Variants in AGR2 observed in about 807,000 individuals in gnomAD.
AGR2 encodes anterior gradient 2, protein disulphide isomerase family member.
A neutral mutation model predicts 25.9 loss-of-function variants in AGR2; 27 were observed. The observed-to-expected ratio is 1.04, with a 90% CI of 0.77 to 1.44. AGR2 has a LOEUF of 1.44. Ranked by LOEUF, AGR2 falls within the 40% of genes most tolerant of loss-of-function variation. The pLI is 0.00. For missense variants in AGR2, 182 were observed against 200.9 expected (o/e 0.91, Z 0.57); for synonymous variants, 78 against 72.0 (o/e 1.08, Z -0.42).
intron 4 of AGR2, among the ~76,000 whole-genome samples, chr7:16,800,228 T>TAAAGC (rs1785118417): frequency 6.6e-6 from 1 of 152,068 alleles, no homozygotes; most frequent in South Asian, 2.1e-4. Context: ...TGAAGAAAAA[T>TAAAGC]AAAGCAAAGC....
intron 2 of AGR2, 128 bp from the exon 3 acceptor site, chr7:16,801,511 A>G: frequency 3.7e-6 from 5 of 1,337,372 alleles, no homozygotes; most frequent in Non-Finnish European, 5.3e-6. Flanking sequence ...TGGAGAAAGT[A>G]GAAATAATTA....
At position 16,801,749 on chromosome 7, in the gene AGR2, G is replaced by C; in HGVS notation, c.48C>G (p.Ser16=). The part of the protein sequence containing the change: ...VSAFLLLVAL[S]YTLARDTTVK... ...CTGTGGTATCTCTGGCCAGAGTGTA[G>C]GAGAGGGCCACAAGGAGCAAGAATG... The change falls in exon 2 of 8, where the codon TCC becomes TCG. Residue 16 remains serine (S), a synonymous_variant. Coordinates refer to ENST00000419304, the MANE Select transcript of AGR2 (RefSeq NM_006408.4). 6.2e-7 allele frequency: 1 copy of C among 1,613,532 alleles called. No homozygotes were observed. Among genetic ancestry groups the C allele is most frequent in the East Asian group, 2.2e-5 (1 of 44,858 alleles).
rs1473487039 is a variant in AGR2, at chr7:16,792,193, T to C, written c.*715A>G. 1.3e-5 allele frequency: 2 copies of C among 152,250 alleles called. No homozygotes were observed. Among genetic ancestry groups the C allele is most frequent in the Non-Finnish European group, 2.9e-5 (2 of 68,068 alleles). The allele number at this position is 152,250 out of a possible 1,614,324, so 9.4% of individuals were successfully genotyped here. A position where few individuals can be genotyped will look rare whatever the true frequency, so the allele number is the denominator to read the frequency against. The stretch of plus-strand genomic sequence containing the variant: ...ACAGACAAATCGATTACAAGGTCAA[T>C]TCCCAGGATTTCTTCAGGGTGTGTT... On this transcript the variant is annotated 3_prime_UTR_variant, in exon 8 of 8. Transcript: ENST00000419304.
intron 1 of AGR2, 82 bp from the exon 2 acceptor site, chr7:16,801,885 G>A (rs1209244980): frequency 8.2e-7 from 1 of 1,213,696 alleles, no homozygotes; most frequent in Non-Finnish European, 1.1e-6. Context: ...CACAACGGTG[G>A]AATATACCAG....
At chr7:16,799,562 C>T (rs1451828583) in intron 5 of AGR2, 182 bp downstream of exon 5, 1 of 524,540 alleles carries the variant, frequency 1.9e-6, no homozygotes, top group East Asian at 3.0e-5. Context: ...TAAATAAAAA[C>T]AGACACACCA....
chr7:16,799,572 A>G (rs1785107341), intron 5 of AGR2, 172 bp downstream of exon 5: 3 of 551,184 alleles, frequency 5.4e-6, no homozygotes, highest in Non-Finnish European at 9.6e-6. Context: ...CAGACACACC[A>G]AATGGATTAT....
At chr7:16,796,550 A>T (rs1785048220) in intron 6 of AGR2, among the ~76,000 whole-genome samples, 1 of 152,358 alleles carries the variant, frequency 6.6e-6, no homozygotes, top group African/African-American at 2.4e-5. Flanking sequence ...TCCTTAAATC[A>T]GTATGACTTT....
At chr7:16,796,463 A>G (rs926358531) in intron 6 of AGR2, among the ~76,000 whole-genome samples, 1 of 152,218 alleles carries the variant, frequency 6.6e-6, no homozygotes, top group African/African-American at 2.4e-5. Context: ...CATTCAGTGT[A>G]AACTTTTAAT....
At chr7:16,800,124 A>G (rs1344560734) in intron 4 of AGR2, among the ~76,000 whole-genome samples, 3 of 152,236 alleles carry the variant, frequency 2.0e-5, no homozygotes, top group African/African-American at 7.2e-5. Flanking sequence ...AAAAAAAAGC[A>G]TGTGTTTTTT....
intron 1 of AGR2, among the ~76,000 whole-genome samples, chr7:16,802,952 C>T (rs1022813487): frequency 1.3e-5 from 2 of 152,058 alleles, no homozygotes. Context: ...CCCTCCTCAG[C>T]CTCCCAAGGA....
rs1198745415 is a variant in AGR2 at position 16,799,685 on chromosome 7, C to T, written c.330+59G>A. The stretch of plus-strand genomic sequence containing the variant: ...ACTAAGATGTATAGGAAAAATGAAT[C>T]ATCCATTTCAAGTAATGAGCCATAG... On this transcript the variant is annotated intron_variant, in intron 5 of 7. Transcript: ENST00000419304. 3.2e-6 allele frequency: 4 copies of T among 1,244,230 alleles called. No homozygotes were observed. The East Asian group carries it at 9.3e-5, about 29-fold the overall frequency. 77.1% of individuals were successfully genotyped at this position (1,244,230 alleles called of 1,614,324 possible). A position where few individuals can be genotyped will look rare whatever the true frequency, so the allele number is the denominator to read the frequency against.
intron 1 of AGR2, among the ~76,000 whole-genome samples, chr7:16,804,661 C>T (rs1785203621): frequency 6.6e-6 from 1 of 152,076 alleles, no homozygotes; most frequent in Admixed American, 6.5e-5. Context: ...TTGAAAAATC[C>T]TAGGATTCAC....
Position 16,801,772 on chromosome 7 carries a change from A to G in AGR2, c.25T>C (p.Phe9Leu), listed in dbSNP as rs1212409859. 3.1e-6 allele frequency: 5 copies of G among 1,609,954 alleles called. No homozygotes were observed. Among genetic ancestry groups the G allele is most frequent in the Admixed American group, 1.7e-5 (1 of 59,520 alleles). Residue 9 changes from phenylalanine (F) to leucine (L), a missense_variant, in exon 2 of 8, where the codon TTC (phenylalanine) becomes CTC (leucine). Transcript: ENST00000419304. MEKIPVSAFLLLVALSYTL... is the reference protein window; with the variant it reads MEKIPVSALLLLVALSYTL... ...TAGGAGAGGGCCACAAGGAGCAAGA[A>G]TGCTGACACTGGAATTTTCTCCATG...
intron 1 of AGR2, among the ~76,000 whole-genome samples, chr7:16,803,695 C>A (rs1416503977): frequency 1.3e-5 from 2 of 152,140 alleles, no homozygotes; most frequent in Non-Finnish European, 2.9e-5. Flanking sequence ...ATGCCAATAA[C>A]TTTTGTCTTC....
At chr7:16,794,420 T>C (rs1178719476) in intron 7 of AGR2, among the ~76,000 whole-genome samples, 1 of 151,572 alleles carries the variant, frequency 6.6e-6, no homozygotes, top group Non-Finnish European at 1.5e-5. Context: ...CTGCCTTAAG[T>C]CAGTGTCTCT....
chr7:16,793,068 T>TG (rs1242995776), intron 7 of AGR2, 111 bp from the exon 8 acceptor site: 21 of 1,015,614 alleles, frequency 2.1e-5, no homozygotes, highest in Non-Finnish European at 1.5e-6. Context: ...CTTTTTTTTT[T>TG]GAGACAAGGT....
chr7:16,803,116 T>C (rs1231833401), intron 1 of AGR2: 1 of 152,164 alleles, frequency 6.6e-6, no homozygotes, highest in Non-Finnish European at 1.5e-5. Flanking sequence ...ATTACAGGAG[T>C]GAGCCACCAC....
rs754533030 is a variant in AGR2 at position 16,801,595 on chromosome 7, A to G, written c.139+63T>C. 8.7e-6 allele frequency: 14 copies of G among 1,603,668 alleles called. No individual in the cohort carries two copies. In the Admixed American group the frequency reaches 1.3e-4, roughly 15 times the overall value. ...CAGGTTAGAACCAGGTTTAAGCACC[A>G]AGAGAGAGGAAATCTTTTCCAATTA... On this transcript the variant is annotated intron_variant, in intron 2 of 7. Coordinates refer to ENST00000419304, the MANE Select transcript of AGR2 (RefSeq NM_006408.4).
chr7:16,792,952 C>T lies in AGR2; in HGVS notation c.484G>A (p.Asp162Asn). ...YEPADTALLL[D>N]NMKKALKLLK... ...AACTTGAGAGCTTTCTTCATGTTGT[C>T]AAGCACTAATGGGGGATAAAAGCAG... The change falls in exon 8 of 8, where the codon GAC (aspartate) becomes AAC (asparagine). Residue 162 changes from aspartate (D) to asparagine (N), a missense_variant. Transcript: ENST00000419304. 1 of 1,613,972 alleles carries T rather than the reference C, an allele frequency of 6.2e-7. No homozygotes were observed. Among genetic ancestry groups the T allele is most frequent in the East Asian group, 2.2e-5 (1 of 44,884 alleles).
Sources: gnomAD v4.1 joint callset for allele counts (sites outside exome capture counted in the v4.1 genomes callset) on GRCh38, gnomAD v4.1.1 for gene constraint, MANE v1.5 for transcripts, NCBI Gene and HGNC (gene_info 2026-07-23, HGNC 2026-07-21) for gene names.